Variants in CEP164 observed in about 807,000 individuals in gnomAD.
CEP164 encodes the protein centrosomal protein 164.
In CEP164, 162 loss-of-function variants were observed where a neutral mutation model predicts 182.7. That is an observed-to-expected ratio of 0.89 (90% CI 0.78 to 1.01). The LOEUF (loss-of-function observed/expected upper bound fraction) is 1.01, where lower values mean the gene tolerates loss of function less well. CEP164 is among the 50% of genes least tolerant of loss of function. The probability of loss-of-function intolerance (pLI) is 0.00; values close to 1 mark genes in which losing one functional copy is unlikely to be tolerated. For synonymous variants in CEP164, 661 were observed against 690.0 expected (o/e 0.96, Z 0.66); for missense variants, 1,735 against 1,790.4 (o/e 0.97, Z 0.56).
Position 117,394,136 on chromosome 11 carries a change from A to T in CEP164, c.2617-214A>T, listed in dbSNP as rs1197165618. Among the ~76,000 whole-genome samples the T allele has an allele frequency of 1.3e-5, 2 of 152,352 alleles. No homozygotes were observed. Among genetic ancestry groups the T allele is most frequent in the South Asian group, 4.1e-4 (2 of 4,828 alleles). ...GAAAGGGAATCTGTCGTGGTGTCTG[A>T]CCAGCCTCTGCTTCAGCTCTAGAGG... On this transcript the variant is annotated intron_variant, in intron 20 of 32. Coordinates refer to ENST00000278935, the MANE Select transcript of CEP164 (RefSeq NM_014956.5). This position sits in a 1 kb window ranked among gnomAD's most constrained non-coding sequence, Gnocchi z 4.0.
chr11:117,361,363 C>G (rs573531169), intron 5 of CEP164, among the ~76,000 whole-genome samples: 1 of 149,656 alleles, frequency 6.7e-6, no homozygotes, highest in East Asian at 2.0e-4. Flanking sequence ...GCTTCAGCCT[C>G]CCGAGTAGCT....
At position 117,379,703 on chromosome 11, in the gene CEP164, T is replaced by G. The variant is rs180865175; in HGVS notation, c.1318-911T>G. ...ATTTTATACAGTGGAGGAGACAGACTTCCTAGGCAGGAAGAGCTAGAACAA... is the reference window on the plus strand; with the variant it reads ...ATTTTATACAGTGGAGGAGACAGACGTCCTAGGCAGGAAGAGCTAGAACAA... On this transcript the variant is annotated intron_variant, in intron 11 of 32. Transcript: ENST00000278935. 9.9e-3 allele frequency among the ~76,000 whole-genome samples: 1,510 copies of G among 152,078 alleles called. 10 individuals carry two copies. The highest frequency in any genetic ancestry group is 0.016 in the Non-Finnish European group (1,057 of 67,990).
chr11:117,406,614 G>A lies in CEP164; in HGVS notation c.3502-1311G>A, dbSNP rs534776124. Among the ~76,000 whole-genome samples, 17 of 152,276 alleles carry A rather than the reference G, an allele frequency of 1.1e-4. 1 individual carries two copies. The South Asian group carries it at 3.1e-3, about 28-fold the overall frequency. Reference sequence around the variant, plus strand: ...TTCTGTCACACTAAAGACTTTGTTCGTACATGAAAGTCTTTTGAACACACT... The same window carrying A: ...TTCTGTCACACTAAAGACTTTGTTCATACATGAAAGTCTTTTGAACACACT... On this transcript the variant is annotated intron_variant, in intron 27 of 32. Transcript: ENST00000278935.
Position 117,387,425 on chromosome 11 carries a change from C to G in CEP164, c.1934+13C>G. Reference sequence around the variant, plus strand: ...AGCAATCTCTCAGGTCCTGCCCTTCCCCTTAGGCATGCTTCCTGGGGCCTT... The same window carrying G: ...AGCAATCTCTCAGGTCCTGCCCTTCGCCTTAGGCATGCTTCCTGGGGCCTT... On this transcript the variant is annotated intron_variant, in intron 15 of 32. Transcript: ENST00000278935. 1 of 1,613,248 alleles carries G rather than the reference C, an allele frequency of 6.2e-7. No individual in the cohort carries two copies. The highest frequency in any genetic ancestry group is 8.5e-7 in the Non-Finnish European group (1 of 1,179,534).
Position 117,382,858 on chromosome 11 carries a change from A to C in CEP164, c.1640A>C (p.Glu547Ala). ...GGCAAGGAGCAGCATTCCCAGGCCG[A>C]GGAGCTGGGCCCTGGGCAGGAAGAG... ...EKGKEQHSQA[E>A]ELGPGQEEAE... The change falls in exon 14 of 33, where the codon GAG becomes GCG. Residue 547 changes from glutamate to alanine, a missense_variant. By Grantham distance (107) the Glu-to-Ala change is moderately radical. Transcript: ENST00000278935. 3.7e-6 allele frequency: 6 copies of C among 1,614,026 alleles called. No individual in the cohort carries two copies. Among genetic ancestry groups the C allele is most frequent in the Non-Finnish European group, 5.1e-6 (6 of 1,180,004 alleles).
At chr11:117,325,905 C>CTTTT (rs887528293), upstream of CEP164, among the ~76,000 whole-genome samples, 12 of 130,048 alleles carry the variant, frequency 9.2e-5, no homozygotes, top group Non-Finnish European at 1.3e-4. Flanking sequence ...CAAGTAGGAC[C>CTTTT]TTTTTTTTTT....
At chr11:117,367,878 T>C (rs2041814939) in intron 8 of CEP164, among the ~76,000 whole-genome samples, 1 of 152,234 alleles carries the variant, frequency 6.6e-6, no homozygotes, top group Non-Finnish European at 1.5e-5. Context: ...TCTTGAATAG[T>C]TAATTAATAG....
intron 9 of CEP164, among the ~76,000 whole-genome samples, chr11:117,373,364 A>G (rs932299769): frequency 3.8e-4 from 54 of 142,270 alleles, no homozygotes; most frequent in Admixed American, 4.9e-4. Context: ...TCCATCTCGG[A>G]AAAAAAAAAA....
Position 117,409,792 on chromosome 11 carries a change from G to GCCCCCCCCCCCCCC in CEP164, c.3924_3925insCCCCCCCCCCCCCC (p.Thr1309ProfsTer109). The GCCCCCCCCCCCCCC allele has an allele frequency of 6.2e-7, 1 of 1,612,940 alleles. No individual in the cohort carries two copies. The highest frequency in any genetic ancestry group is 1.1e-5 in the South Asian group (1 of 91,024). ...CAGCTCCCTCCCCGGGACCCTAAGA[G>GCCCCCCCCCCCCCC]CACCCCCACCCCCACCTACTATGGC... On this transcript the variant is annotated frameshift_variant, in exon 30 of 33. Coordinates refer to ENST00000278935, the MANE Select transcript of CEP164 (RefSeq NM_014956.5). LOFTEE classifies it high-confidence loss of function. The surrounding 1 kb of genome is among the most constrained non-coding windows in gnomAD (Gnocchi z 4.4).
At position 117,408,889 on chromosome 11, in the gene CEP164, G is replaced by A; in HGVS notation, c.3610-1G>A. 1 of 1,614,116 alleles carries A rather than the reference G, an allele frequency of 6.2e-7. No individual in the cohort carries two copies. The highest frequency in any genetic ancestry group is 8.5e-7 in the Non-Finnish European group (1 of 1,180,008). On this transcript the variant is annotated splice_acceptor_variant, in intron 28 of 32. Transcript: ENST00000278935. LOFTEE classifies it high-confidence loss of function. ...TCATAACTGCTGACTTTACCCCACAGGCCTCAGATGAGGGCACTCTGGGAG... is the reference window on the plus strand; with the variant it reads ...TCATAACTGCTGACTTTACCCCACAAGCCTCAGATGAGGGCACTCTGGGAG...
chr11:117,397,987 C>T (rs2045695659), intron 27 of CEP164, among the ~76,000 whole-genome samples: 1 of 152,136 alleles, frequency 6.6e-6, no homozygotes, highest in African/African-American at 2.4e-5. Context: ...GTCCACAGTC[C>T]AGAGTCTCAT....
At chr11:117,326,925 G>T (rs1051424518), upstream of CEP164, among the ~76,000 whole-genome samples, 1 of 152,196 alleles carries the variant, frequency 6.6e-6, no homozygotes, top group African/African-American at 2.4e-5. Context: ...TCTCTAGGAG[G>T]TTGGAGACAT....
chr11:117,358,248 TAGA>T (rs1441234345), intron 5 of CEP164, among the ~76,000 whole-genome samples: 1 of 152,156 alleles, frequency 6.6e-6, no homozygotes, highest in Non-Finnish European at 1.5e-5. Flanking sequence ...TGGCCATCTA[TAGA>T]AGATGATCAG....
chr11:117,395,048 C>G (rs923716484), intron 22 of CEP164, 45 bp downstream of exon 22: 4 of 1,612,760 alleles, frequency 2.5e-6, no homozygotes, highest in Non-Finnish European at 3.4e-6. Context: ...CATAGCTTCT[C>G]TAGCAGAGGG....
chr11:117,391,094 T>C lies in CEP164; in HGVS notation c.2162T>C (p.Met721Thr), dbSNP rs2044594899. ...RASLEQKNRQ[M>T]LEQLKEEIEA... ...AGCTTGGAACAGAAAAATAGGCAAA[T>C]GCTGGAGCAGCTCAAGGAAGAGATA... The change falls in exon 17 of 33, where the codon ATG becomes ACG. Residue 721 changes from methionine to threonine, a missense_variant. Physicochemically the swap from Met to Thr is moderately conservative, Grantham distance 81 (BLOSUM62 -1). Coordinates refer to ENST00000278935, the MANE Select transcript of CEP164 (RefSeq NM_014956.5). The C allele has an allele frequency of 1.9e-6, 3 of 1,613,944 alleles. No homozygotes were observed. The highest frequency in any genetic ancestry group is 2.7e-5 in the African/African-American group (2 of 74,976).
chr11:117,373,778 G>T lies in CEP164; in HGVS notation c.1180G>T (p.Glu394Ter), dbSNP rs575051020. Residue 394 changes from glutamate to a stop codon, truncating the protein, a stop_gained, in exon 10 of 33, where the codon GAA becomes TAA. Coordinates refer to ENST00000278935, the MANE Select transcript of CEP164 (RefSeq NM_014956.5). LOFTEE classifies it high-confidence loss of function. Reference sequence around the variant, plus strand: ...ACTGGAAATTAGTGAACACATGAAGGAACCACAGCTCTCAGACTCCATAGC... The same window carrying T: ...ACTGGAAATTAGTGAACACATGAAGTAACCACAGCTCTCAGACTCCATAGC... Reference protein sequence around the residue: ...QELEISEHMKEPQLSDSIASD... With the variant: ...QELEISEHMK The T allele has an allele frequency of 6.2e-7, 1 of 1,614,116 alleles. No homozygotes were observed. Among genetic ancestry groups the T allele is most frequent in the African/African-American group, 1.3e-5 (1 of 75,030 alleles).
At chr11:117,404,570 C>A (rs1413613319) in intron 27 of CEP164, among the ~76,000 whole-genome samples, 1 of 152,214 alleles carries the variant, frequency 6.6e-6, no homozygotes, top group Non-Finnish European at 1.5e-5. Flanking sequence ...TGGAGCTCTC[C>A]TGTATGAGGT....
At chr11:117,344,323 A>C in intron 4 of CEP164, 46 bp downstream of exon 4, 5 of 1,319,894 alleles carry the variant, frequency 3.8e-6, no homozygotes, top group Non-Finnish European at 5.4e-6. Flanking sequence ...TAGCAGAGGC[A>C]GAGGGAAGCT....
chr11:117,406,630 T>G lies in CEP164; in HGVS notation c.3502-1295T>G, dbSNP rs527894989. Among the ~76,000 whole-genome samples the G allele has an allele frequency of 2.6e-5, 4 of 152,340 alleles. No homozygotes were observed. In the East Asian group the frequency reaches 7.7e-4, roughly 29 times the overall value. On this transcript the variant is annotated intron_variant, in intron 27 of 32. Transcript: ENST00000278935. ...ACTTTGTTCGTACATGAAAGTCTTT[T>G]GAACACACTTAGCAAAAGGCTTTGA...
Sources: gnomAD v4.1 joint callset for allele counts (sites outside exome capture counted in the v4.1 genomes callset) on GRCh38, gnomAD v4.1.1 for gene constraint, Gnocchi (gnomAD v3.1) non-coding constraint, MANE v1.5 for transcripts, NCBI Gene and HGNC (gene_info 2026-07-23, HGNC 2026-07-21) for gene names.